FAM83B: variants seen among roughly 807,000 people sequenced by gnomAD.
FAM83B encodes the protein protein FAM83B.
FAM83B carries 26 observed loss-of-function variants against 38.8 expected under a neutral mutation model. The observed-to-expected ratio is 0.67, with a 90% confidence interval of 0.49 to 0.93. The LOEUF is 0.93. Ranked by LOEUF, FAM83B falls within the 40% of genes least tolerant of loss-of-function variation. The pLI is 0.00. For synonymous variants in FAM83B, 419 were observed against 423.1 expected, an observed-to-expected ratio of 0.99 and a Z score of 0.12; for missense variants, 1,237 against 1,197.3, an observed-to-expected ratio of 1.03 and a Z score of -0.49.
intron 1 of FAM83B, among the ~76,000 whole-genome samples, chr6:54,858,404 G>A (rs1451735162): frequency 3.3e-5 from 5 of 152,068 alleles, no homozygotes; most frequent in Non-Finnish European, 7.4e-5. Flanking sequence ...ATTCATATTT[G>A]GATGACTTAT....
At chr6:54,900,126 G>C (rs1425571014) in intron 2 of FAM83B, among the ~76,000 whole-genome samples, 1 of 152,098 alleles carries the variant, frequency 6.6e-6, no homozygotes, top group Non-Finnish European at 1.5e-5. Context: ...AGTTTTTGTT[G>C]TACATTCATT....
chr6:54,900,598 G>C (rs1317136394), intron 2 of FAM83B, among the ~76,000 whole-genome samples: 1 of 152,146 alleles, frequency 6.6e-6, no homozygotes, highest in African/African-American at 2.4e-5. Context: ...TCGTAATCAA[G>C]TAAGTGTTGT....
chr6:54,879,143 C>CTA (rs1453723775), intron 2 of FAM83B, among the ~76,000 whole-genome samples: 1 of 152,140 alleles, frequency 6.6e-6, no homozygotes, highest in Admixed American at 6.6e-5. Context: ...GATGGTTGAT[C>CTA]CGTAACCCCA....
intron 1 of FAM83B, among the ~76,000 whole-genome samples, chr6:54,851,394 A>T (rs1771283904): frequency 2.0e-5 from 3 of 149,432 alleles, no homozygotes; most frequent in African/African-American, 7.4e-5. Flanking sequence ...CTCATCTCCC[A>T]TTTCATACTT....
At chr6:54,928,977 T>C (rs1773368027) in intron 4 of FAM83B, among the ~76,000 whole-genome samples, 1 of 152,168 alleles carries the variant, frequency 6.6e-6, no homozygotes, top group Non-Finnish European at 1.5e-5. Context: ...TTTCTGTCTA[T>C]ATCAGAAGCC....
At position 54,941,039 on chromosome 6, in the gene FAM83B, A is replaced by G. The variant is rs779738736; in HGVS notation, c.2068A>G (p.Arg690Gly). Residue 690 changes from arginine to glycine, a missense_variant, in exon 5 of 5, where the codon AGG becomes GGG. By Grantham distance (125) the Arg-to-Gly change is moderately radical. Coordinates refer to ENST00000306858, the MANE Select transcript of FAM83B (RefSeq NM_001010872.3). The stretch of plus-strand genomic sequence containing the variant: ...GCATTATGTATATAGTACACTTACC[A>G]GGAATCGAGTTAGACAACCAGAAAA... Reference protein sequence around the residue: ...SKHYVYSTLTRNRVRQPEKPK... With the variant: ...SKHYVYSTLTGNRVRQPEKPK... The G allele has an allele frequency of 1.2e-6, 2 of 1,613,826 alleles. No homozygotes were observed. The highest frequency in any genetic ancestry group is 1.7e-6 in the Non-Finnish European group (2 of 1,179,940).
chr6:54,857,528 G>T (rs1771471562), intron 1 of FAM83B, among the ~76,000 whole-genome samples: 2 of 152,132 alleles, frequency 1.3e-5, no homozygotes, highest in Non-Finnish European at 2.9e-5. Context: ...GGGGTAGGTC[G>T]ACAGATCTCT....
chr6:54,941,931 G>C lies in FAM83B; in HGVS notation c.2960G>C (p.Arg987Pro). ...CTTAATTACAACACTGGTGTTTATCGCTCATATCAACCCAATGAGAACAAG... is the reference window on the plus strand; with the variant it reads ...CTTAATTACAACACTGGTGTTTATCCCTCATATCAACCCAATGAGAACAAG... ...PLLNYNTGVY[R>P]SYQPNENKFR... The change falls in exon 5 of 5, where the codon CGC (arginine) becomes CCC (proline). Residue 987 changes from arginine to proline, a missense_variant. Transcript: ENST00000306858. 2 of 1,613,832 alleles carry C rather than the reference G, an allele frequency of 1.2e-6. No homozygotes were observed. The highest frequency in any genetic ancestry group is 8.5e-7 in the Non-Finnish European group (1 of 1,179,916).
At chr6:54,889,302 A>C (rs1347588098) in intron 2 of FAM83B, among the ~76,000 whole-genome samples, 1 of 151,930 alleles carries the variant, frequency 6.6e-6, no homozygotes, top group Non-Finnish European at 1.5e-5. Context: ...ACCATCCTGC[A>C]TTTTGTTTTT....
In FAM83B at chr6:54,940,882, T is replaced by C. The variant is rs1773665832; in HGVS notation, c.1911T>C (p.Tyr637=). The C allele has an allele frequency of 6.2e-7, 1 of 1,613,654 alleles. No individual in the cohort carries two copies. Among genetic ancestry groups the C allele is most frequent in the Non-Finnish European group, 8.5e-7 (1 of 1,179,860 alleles). Residue 637 remains tyrosine (Y), a synonymous_variant, in exon 5 of 5, where the codon TAT becomes TAC. Transcript: ENST00000306858. The part of the protein sequence containing the change: ...TTNGHTESNN[Y]IYKTLGVNKQ... ...ATGGCCATACTGAATCAAATAACTA[T>C]ATATATAAAACCTTGGGTGTAAATA... is the stretch of plus-strand genomic sequence containing the variant.
rs561872308 is a variant in FAM83B at position 54,911,554 on chromosome 6, A to G, written c.445-14817A>G. Among the ~76,000 whole-genome samples, 71 of 152,240 alleles carry G rather than the reference A, an allele frequency of 4.7e-4. 1 individual carries two copies. The highest frequency in any genetic ancestry group is 3.4e-3 in the Middle Eastern group (1 of 294). ...CTTTTCTTCCCTCCTCTCAGATGAC[A>G]CAATACTTTGGGCCCCTTCTTAGCA... On this transcript the variant is annotated intron_variant, in intron 2 of 4. Transcript: ENST00000306858.
chr6:54,926,086 C>T (rs1002442176), intron 2 of FAM83B, among the ~76,000 whole-genome samples: 2 of 152,128 alleles, frequency 1.3e-5, no homozygotes, highest in African/African-American at 4.8e-5. Flanking sequence ...GTCTTGAAAT[C>T]CATGATTTGG....
chr6:54,879,877 T>A (rs1275531170), intron 2 of FAM83B, among the ~76,000 whole-genome samples: 1 of 152,220 alleles, frequency 6.6e-6, no homozygotes, highest in East Asian at 1.9e-4. Flanking sequence ...GAAGCTGACG[T>A]CCAATAGCAA....
intron 1 of FAM83B, among the ~76,000 whole-genome samples, chr6:54,866,687 G>C (rs149839238): frequency 1.6e-4 from 24 of 152,200 alleles, no homozygotes; most frequent in Non-Finnish European, 2.8e-4. Context: ...GTTGAAAGAC[G>C]TTTGGGTTGT....
At chr6:54,918,091 A>G (rs1351346657) in intron 2 of FAM83B, among the ~76,000 whole-genome samples, 1 of 152,178 alleles carries the variant, frequency 6.6e-6, no homozygotes, top group African/African-American at 2.4e-5. Flanking sequence ...GAAAATAGTC[A>G]TATATAAATA....
chr6:54,917,456 TAATTA>T (rs770448055), intron 2 of FAM83B, among the ~76,000 whole-genome samples: 6 of 152,160 alleles, frequency 3.9e-5, no homozygotes, highest in African/African-American at 9.7e-5. Flanking sequence ...CTTCTTTACA[TAATTA>T]AATTAATAAT....
chr6:54,847,781 C>G (rs761362943), intron 1 of FAM83B, among the ~76,000 whole-genome samples: 1 of 152,002 alleles, frequency 6.6e-6, no homozygotes, highest in Admixed American at 6.6e-5. Context: ...ATGCTCGGAG[C>G]GGTGAAGTTA....
intron 2 of FAM83B, among the ~76,000 whole-genome samples, chr6:54,913,047 T>G (rs532602181): frequency 6.6e-6 from 1 of 152,214 alleles, no homozygotes; most frequent in South Asian, 2.1e-4. Context: ...ACTATATTTT[T>G]CCTTTGCAGT....
chr6:54,933,528 T>C (rs368482043), intron 4 of FAM83B, among the ~76,000 whole-genome samples: 1 of 150,882 alleles, frequency 6.6e-6, no homozygotes, highest in East Asian at 2.0e-4. Flanking sequence ...TTTCTTAGGA[T>C]TGGGCTGAGT....
Sources: allele counts gnomAD v4.1 joint callset (sites outside exome capture counted in the v4.1 genomes callset), GRCh38; gene constraint gnomAD v4.1.1; transcripts MANE v1.5; gene names NCBI Gene and HGNC (gene_info 2026-07-23, HGNC 2026-07-21).